The following CMIP variants were observed in gnomAD, a reference collection of about 807,000 sequenced individuals.
The protein encoded by CMIP is c-Maf inducing protein.
CMIP carries 13 observed loss-of-function variants against 97.3 expected under a neutral mutation model. That is an observed-to-expected ratio of 0.13 (90% CI 0.09 to 0.21). CMIP has a LOEUF of 0.21. Ranked by LOEUF, CMIP falls within the 10% of genes least tolerant of loss-of-function variation. CMIP has a pLI of 1.00. For missense variants in CMIP, 847 were observed against 1,024.9 expected (o/e 0.83, Z 2.37); for synonymous variants, 538 against 436.3 (o/e 1.23, Z -2.91).
intron 6 of CMIP, among the ~76,000 whole-genome samples, chr16:81,661,814 A>G (rs2092550380): frequency 6.6e-6 from 1 of 151,314 alleles, no homozygotes; most frequent in South Asian, 2.1e-4. Flanking sequence ...TTTGAAAGGG[A>G]GACAAGATTC....
chr16:81,645,077 G>T (rs919956167), intron 3 of CMIP, among the ~76,000 whole-genome samples: 1 of 152,230 alleles, frequency 6.6e-6, no homozygotes, highest in Non-Finnish European at 1.5e-5. Context: ...GACACAGCTG[G>T]CTACCGAGTA....
At chr16:81,601,891 G>A (rs979704527) in intron 1 of CMIP, among the ~76,000 whole-genome samples, 2 of 152,282 alleles carry the variant, frequency 1.3e-5, no homozygotes, top group Non-Finnish European at 2.9e-5. Flanking sequence ...CAAGCTGGTG[G>A]CCCAGGACAA....
intron 1 of CMIP, among the ~76,000 whole-genome samples, chr16:81,568,169 G>A (rs115425007): frequency 2.7e-3 from 416 of 151,844 alleles, no homozygotes; most frequent in African/African-American, 9.7e-3. Flanking sequence ...GGGAGAATCC[G>A]TAGGCTTGAT....
chr16:81,515,642 G>A (rs767456964), intron 1 of CMIP, among the ~76,000 whole-genome samples: 1 of 152,190 alleles, frequency 6.6e-6, no homozygotes, highest in Non-Finnish European at 1.5e-5. Context: ...TATTCTTTTA[G>A]CAAATGTGTA....
intron 1 of CMIP, among the ~76,000 whole-genome samples, chr16:81,500,399 C>T (rs1376049753): frequency 8.0e-6 from 1 of 125,656 alleles, no homozygotes. Context: ...CCTTCTCTCT[C>T]TCCTTCTCTC....
chr16:81,702,265 A>G (rs1907501416), intron 16 of CMIP, among the ~76,000 whole-genome samples: 1 of 151,596 alleles, frequency 6.6e-6, no homozygotes, highest in Non-Finnish European at 1.5e-5. Flanking sequence ...CAGCTCCCTC[A>G]CCCCTTCAGT....
chr16:81,617,877 C>G (rs1432711655), intron 2 of CMIP, among the ~76,000 whole-genome samples: 1 of 152,244 alleles, frequency 6.6e-6, no homozygotes, highest in Non-Finnish European at 1.5e-5. Flanking sequence ...CCCCTTCCCT[C>G]TTAGGGTCAC....
intron 2 of CMIP, among the ~76,000 whole-genome samples, chr16:81,608,530 C>G (rs905543580): frequency 6.6e-6 from 1 of 152,016 alleles, no homozygotes; most frequent in African/African-American, 2.4e-5. Flanking sequence ...ATGGAAGATC[C>G]TGATTGGCTC....
chr16:81,615,617 GGT>G (rs768429654), intron 2 of CMIP, among the ~76,000 whole-genome samples: 3 of 145,586 alleles, frequency 2.1e-5, no homozygotes, highest in African/African-American at 2.6e-5. Context: ...GTCTTTGTGT[GGT>G]GTGTGTGTAT....
intron 9 of CMIP, among the ~76,000 whole-genome samples, chr16:81,677,200 G>T (rs1904360125): frequency 6.6e-6 from 1 of 152,128 alleles, no homozygotes; most frequent in South Asian, 2.1e-4. Flanking sequence ...CCTGGAGGAG[G>T]GGACCTGCAC....
chr16:81,651,260 G>A (rs2092425302), intron 3 of CMIP: 2 of 167,720 alleles, frequency 1.2e-5, no homozygotes, highest in Non-Finnish European at 2.4e-5. Context: ...AGCTGCAAAG[G>A]CGGGAGCCCG....
chr16:81,668,111 A>G (rs2092630504), intron 7 of CMIP, among the ~76,000 whole-genome samples: 1 of 151,990 alleles, frequency 6.6e-6, no homozygotes, highest in Non-Finnish European at 1.5e-5. Context: ...GGGGGTCTCT[A>G]TTTCTGTTCT....
intron 2 of CMIP, chr16:81,610,373 C>G (rs1470990500): frequency 3.0e-6 from 3 of 985,446 alleles, no homozygotes; most frequent in Admixed American, 6.1e-5. Flanking sequence ...GCTCACTGCC[C>G]CCTGATCCCG....
intron 1 of CMIP, among the ~76,000 whole-genome samples, chr16:81,573,046 C>G (rs2091123598): frequency 6.6e-6 from 1 of 152,174 alleles, no homozygotes; most frequent in African/African-American, 2.4e-5. Flanking sequence ...AGTGACATTA[C>G]AAAAATGCAC....
intron 1 of CMIP, 31 bp from the exon 2 acceptor site, chr16:81,607,536 C>T (rs765595884): frequency 5.0e-6 from 8 of 1,611,268 alleles, no homozygotes; most frequent in Non-Finnish European, 6.8e-6. Flanking sequence ...GTAACCAATG[C>T]ATATCTCTTC....
intron 8 of CMIP, among the ~76,000 whole-genome samples, chr16:81,670,853 G>C (rs1013465842): frequency 5.9e-5 from 9 of 152,078 alleles, no homozygotes; most frequent in Non-Finnish European, 1.5e-5. Flanking sequence ...TTTTGAGATG[G>C]AGTCTCGCTC....
chr16:81,551,188 C>T (rs1230308087), intron 1 of CMIP, among the ~76,000 whole-genome samples: 1 of 149,624 alleles, frequency 6.7e-6, no homozygotes, highest in Non-Finnish European at 1.5e-5. Context: ...TTCTATCACA[C>T]GTACCCCAGT....
intron 4 of CMIP, among the ~76,000 whole-genome samples, chr16:81,653,851 G>C (rs2092455153): frequency 6.6e-6 from 1 of 152,280 alleles, no homozygotes; most frequent in East Asian, 1.9e-4. Flanking sequence ...GACTTCAAAT[G>C]GTCCATCTGC....
intron 1 of CMIP, among the ~76,000 whole-genome samples, chr16:81,587,739 C>T (rs2091405553): frequency 6.6e-6 from 1 of 152,220 alleles, no homozygotes; most frequent in African/African-American, 2.4e-5. Context: ...TCTCCCTCCT[C>T]CCCTGACTTC....
Sources: gnomAD v4.1 joint callset for allele counts (sites outside exome capture counted in the v4.1 genomes callset) on GRCh38, gnomAD v4.1.1 for gene constraint, MANE v1.5 for transcripts, NCBI Gene and HGNC (gene_info 2026-07-23, HGNC 2026-07-21) for gene names.